B3GALT1: variants seen among roughly 807,000 people sequenced by gnomAD.
B3GALT1 encodes UDP-Gal:betaGlcNAc beta 1,3-galactosyltransferase, polypeptide 1.
A neutral mutation model predicts 23.2 loss-of-function variants in B3GALT1; 10 were observed. The observed-to-expected ratio is 0.43, with a 90% CI of 0.27 to 0.73. The LOEUF (loss-of-function observed/expected upper bound fraction) is 0.73. B3GALT1 is among the 30% of genes least tolerant of loss of function. B3GALT1 has a pLI of 0.21. For missense variants in B3GALT1, 299 were observed against 405.4 expected, an observed-to-expected ratio of 0.74 and a Z score of 2.25; for synonymous variants, 156 against 141.5, an observed-to-expected ratio of 1.10 and a Z score of -0.73.
At chr2:167,627,455 C>T (rs1032995715) in intron 2 of B3GALT1, among the ~76,000 whole-genome samples, 2 of 151,672 alleles carry the variant, frequency 1.3e-5, no homozygotes, top group Admixed American at 6.6e-5. Flanking sequence ...CATATTTCTT[C>T]TAGCATTATG....
At chr2:167,801,173 C>G (rs1688631506) in intron 3 of B3GALT1, among the ~76,000 whole-genome samples, 2 of 152,172 alleles carry the variant, frequency 1.3e-5, no homozygotes, top group African/African-American at 4.8e-5. Context: ...GCCTGAGGCC[C>G]TGAATATAGA....
At chr2:167,733,907 T>C (rs1429587935) in intron 3 of B3GALT1, among the ~76,000 whole-genome samples, 1 of 152,192 alleles carries the variant, frequency 6.6e-6, no homozygotes, top group African/African-American at 2.4e-5. Flanking sequence ...CATGGTGATG[T>C]TATGACCAAA....
At chr2:167,529,705 C>T (rs1009184647) in intron 2 of B3GALT1, among the ~76,000 whole-genome samples, 1 of 151,624 alleles carries the variant, frequency 6.6e-6, no homozygotes, top group African/African-American at 2.4e-5. Flanking sequence ...TTTCTTGTAG[C>T]TCACATCTCT....
At chr2:167,298,482 A>G (rs1416730275) in intron 1 of B3GALT1, among the ~76,000 whole-genome samples, 3 of 152,126 alleles carry the variant, frequency 2.0e-5, no homozygotes, top group African/African-American at 7.2e-5. Flanking sequence ...AAATTGGGAT[A>G]CATTTAGAGA....
chr2:167,735,058 C>T (rs964886783), intron 3 of B3GALT1, among the ~76,000 whole-genome samples: 6 of 152,030 alleles, frequency 3.9e-5, no homozygotes, highest in Non-Finnish European at 8.8e-5. Flanking sequence ...ACAATCACTC[C>T]AACAATATTT....
At chr2:167,809,016 T>C (rs1016653319) in intron 3 of B3GALT1, among the ~76,000 whole-genome samples, 1 of 152,216 alleles carries the variant, frequency 6.6e-6, no homozygotes, top group Non-Finnish European at 1.5e-5. Context: ...CTTCTCTTCT[T>C]GCTTCATTTC....
At chr2:167,684,487 A>T (rs572045611) in intron 3 of B3GALT1, among the ~76,000 whole-genome samples, 1 of 152,150 alleles carries the variant, frequency 6.6e-6, no homozygotes, top group South Asian at 2.1e-4. Context: ...TCAGATCATT[A>T]TGCCTTTCTG....
At chr2:167,511,814 G>C (rs941700499) in intron 2 of B3GALT1, among the ~76,000 whole-genome samples, 1 of 151,942 alleles carries the variant, frequency 6.6e-6, no homozygotes, top group African/African-American at 2.4e-5. Context: ...TGAATTTCAT[G>C]AAAAAATAAC....
chr2:167,539,938 A>G (rs1683508523), intron 2 of B3GALT1, among the ~76,000 whole-genome samples: 2 of 152,162 alleles, frequency 1.3e-5, no homozygotes, highest in African/African-American at 4.8e-5. Flanking sequence ...TAACAGTTAA[A>G]AAATAACTCT....
At chr2:167,380,796 G>A (rs1697837970) in intron 1 of B3GALT1, among the ~76,000 whole-genome samples, 2 of 152,134 alleles carry the variant, frequency 1.3e-5, no homozygotes, top group Admixed American at 1.3e-4. Flanking sequence ...GAGGCTCTCT[G>A]CCTCTCTCAC....
At chr2:167,646,988 C>T (rs1685758093) in intron 3 of B3GALT1, among the ~76,000 whole-genome samples, 22 bp downstream of exon 3, 1 of 152,102 alleles carries the variant, frequency 6.6e-6, no homozygotes, top group Non-Finnish European at 1.5e-5. Context: ...GTTTATTTGG[C>T]TTACTGTAGT....
chr2:167,327,285 G>A (rs550001626), intron 1 of B3GALT1, among the ~76,000 whole-genome samples: 1 of 151,958 alleles, frequency 6.6e-6, no homozygotes, highest in East Asian at 1.9e-4. Context: ...CTCTTTCTGT[G>A]GAAAAATGAC....
chr2:167,468,135 C>T (rs1699374640), intron 1 of B3GALT1, among the ~76,000 whole-genome samples: 1 of 152,038 alleles, frequency 6.6e-6, no homozygotes, highest in African/African-American at 2.4e-5. Context: ...TGGAAAAATT[C>T]TATGGACTAC....
intron 1 of B3GALT1, among the ~76,000 whole-genome samples, chr2:167,333,503 G>A (rs13385879): frequency 0.017 from 2,513 of 152,286 alleles, 57 homozygotes; most frequent in East Asian, 0.083. Flanking sequence ...TAGATTGATC[G>A]TTGAATCATG....
intron 2 of B3GALT1, among the ~76,000 whole-genome samples, chr2:167,509,469 T>C (rs1440402752): frequency 6.6e-6 from 1 of 152,074 alleles, no homozygotes; most frequent in African/African-American, 2.4e-5. Context: ...GGAGACTACA[T>C]AGGTATTTTA....
rs1027916374 is a variant in B3GALT1, at chr2:167,871,851, A to G, written c.*1831A>G. The G allele has an allele frequency of 6.6e-6, 1 of 150,740 alleles. No homozygotes were observed. Among genetic ancestry groups the G allele is most frequent in the Non-Finnish European group, 1.5e-5 (1 of 67,736 alleles). 9.3% of individuals were successfully genotyped at this position (150,740 alleles called of 1,614,324 possible). A position where few individuals can be genotyped will look rare whatever the true frequency, so the allele number is the denominator to read the frequency against. On this transcript the variant is annotated 3_prime_UTR_variant, in exon 5 of 5. Coordinates refer to ENST00000392690, the MANE Select transcript of B3GALT1 (RefSeq NM_020981.4). ...AAAACACCTGTTTGTTCTCAAAGAAAGCCCCACAGCTGAAAGAGTGTACCT... is the reference window on the plus strand; with the variant it reads ...AAAACACCTGTTTGTTCTCAAAGAAGGCCCCACAGCTGAAAGAGTGTACCT...
rs559200044 is a variant in B3GALT1 at position 167,742,163 on chromosome 2, T to A, written c.-351-76509T>A. Among the ~76,000 whole-genome samples, 4 of 152,358 alleles carry A rather than the reference T, an allele frequency of 2.6e-5. No individual in the cohort carries two copies. The East Asian group carries it at 7.7e-4, about 29-fold the overall frequency. On this transcript the variant is annotated intron_variant, in intron 3 of 4. Coordinates refer to ENST00000392690, the MANE Select transcript of B3GALT1 (RefSeq NM_020981.4). Reference sequence around the variant, plus strand: ...CCGGAAGGTCACTTTACTATATCAGTGTTTTTCACTCTCGGTTTTTGATGA... The same window carrying A: ...CCGGAAGGTCACTTTACTATATCAGAGTTTTTCACTCTCGGTTTTTGATGA...
At chr2:167,343,074 C>T (rs546684211) in intron 1 of B3GALT1, among the ~76,000 whole-genome samples, 3 of 152,238 alleles carry the variant, frequency 2.0e-5, no homozygotes, top group African/African-American at 7.2e-5. Flanking sequence ...TTTGAAAATC[C>T]TGTAGTAGTC....
At chr2:167,541,937 T>C (rs1683539425) in intron 2 of B3GALT1, among the ~76,000 whole-genome samples, 1 of 152,056 alleles carries the variant, frequency 6.6e-6, no homozygotes, top group South Asian at 2.1e-4. Flanking sequence ...GATGAGTGAG[T>C]TTCCTAAAAG....
Sources: gnomAD v4.1 joint callset for allele counts (sites outside exome capture counted in the v4.1 genomes callset) on GRCh38, gnomAD v4.1.1 for gene constraint, MANE v1.5 for transcripts, NCBI Gene and HGNC (gene_info 2026-07-23, HGNC 2026-07-21) for gene names.